Variants in ERICH3 observed in about 807,000 individuals in gnomAD.
ERICH3 encodes the protein glutamate rich 3.
A neutral mutation model predicts 131.1 loss-of-function variants in ERICH3; 126 were observed. That is an observed-to-expected ratio of 0.96 (90% CI 0.83 to 1.11). ERICH3 has a LOEUF of 1.11. ERICH3 is among the 50% of genes most tolerant of loss of function. The pLI is 0.00. For synonymous variants in ERICH3, 695 were observed against 644.6 expected (o/e 1.08, Z -1.18); for missense variants, 2,050 against 1,810.7 (o/e 1.13, Z -2.40).
intron 12 of ERICH3, among the ~76,000 whole-genome samples, chr1:74,581,138 T>C (rs1647170557): frequency 6.6e-6 from 1 of 152,208 alleles, no homozygotes; most frequent in African/African-American, 2.4e-5. Context: ...ACTATTATTG[T>C]TAGGATTTGC....
At chr1:74,601,135 A>G (rs941526108) in intron 10 of ERICH3, among the ~76,000 whole-genome samples, 1 of 151,936 alleles carries the variant, frequency 6.6e-6, no homozygotes, top group African/African-American at 2.4e-5. Flanking sequence ...TATGAATATC[A>G]GTAAACCAAA....
At chr1:74,631,437 G>A (rs1401490943) in intron 7 of ERICH3, among the ~76,000 whole-genome samples, 3 of 152,038 alleles carry the variant, frequency 2.0e-5, no homozygotes, top group Non-Finnish European at 2.9e-5. Context: ...TGCATTTAAG[G>A]AAATAAATGA....
chr1:74,630,896 G>A (rs1231106545), intron 7 of ERICH3, among the ~76,000 whole-genome samples: 1 of 151,970 alleles, frequency 6.6e-6, no homozygotes, highest in Non-Finnish European at 1.5e-5. Flanking sequence ...TAAAAGTAGA[G>A]TTGAAAAAAG....
intron 1 of ERICH3, among the ~76,000 whole-genome samples, chr1:74,667,767 C>A (rs1442529646): frequency 2.0e-5 from 3 of 152,078 alleles, no homozygotes; most frequent in Admixed American, 2.0e-4. Context: ...GAGAGAAACC[C>A]AAAGACTTTC....
chr1:74,663,966 A>T (rs1021003230), intron 1 of ERICH3, among the ~76,000 whole-genome samples: 4 of 152,126 alleles, frequency 2.6e-5, no homozygotes, highest in African/African-American at 7.2e-5. Flanking sequence ...TACAATGAGA[A>T]CCCAAAGATG....
chr1:74,639,663 T>C (rs932901645), intron 5 of ERICH3, among the ~76,000 whole-genome samples: 3 of 152,182 alleles, frequency 2.0e-5, no homozygotes, highest in African/African-American at 7.2e-5. Context: ...TCCAAGCATA[T>C]GCAGAATTAG....
At chr1:74,661,496 T>A (rs79554760) in intron 1 of ERICH3, among the ~76,000 whole-genome samples, 2,361 of 152,284 alleles carry the variant, frequency 0.016, 66 homozygotes, top group African/African-American at 0.053. Context: ...GATTCATGAA[T>A]CTAAGAAGAG....
At chr1:74,669,464 T>C (rs1646721804) in intron 1 of ERICH3, among the ~76,000 whole-genome samples, 1 of 152,144 alleles carries the variant, frequency 6.6e-6, no homozygotes, top group African/African-American at 2.4e-5. Context: ...TCCTCATGCA[T>C]GACTGAGGGA....
At chr1:74,595,878 T>A (rs1647822206) in intron 11 of ERICH3, among the ~76,000 whole-genome samples, 1 of 152,132 alleles carries the variant, frequency 6.6e-6, no homozygotes, top group South Asian at 2.1e-4. Context: ...ACGCAAAAAA[T>A]CACACATATT....
At position 74,571,821 on chromosome 1, in the gene ERICH3, C is replaced by A; in HGVS notation, c.3889G>T (p.Glu1297Ter). Reference sequence around the variant, plus strand: ...TCCAGAGTGCACTCTTTGTCCTCTTCCTCCTCTGGGTCCTCATCCACCGCT... The same window carrying A: ...TCCAGAGTGCACTCTTTGTCCTCTTACTCCTCTGGGTCCTCATCCACCGCT... ...EEAVDEDPEE[E>*]EDKECTLETE... is the part of the protein sequence containing the mutation. The change falls in exon 14 of 15, where the codon GAA becomes TAA. Residue 1297 changes from glutamate to a stop codon, truncating the protein, a stop_gained. Transcript: ENST00000326665. LOFTEE classifies it high-confidence loss of function. The A allele has an allele frequency of 6.8e-6, 11 of 1,613,256 alleles. No individual in the cohort carries two copies. Among genetic ancestry groups the A allele is most frequent in the Non-Finnish European group, 9.3e-6 (11 of 1,180,034 alleles).
At chr1:74,630,269 T>C (rs894304789) in intron 7 of ERICH3, among the ~76,000 whole-genome samples, 5 of 152,020 alleles carry the variant, frequency 3.3e-5, no homozygotes, top group African/African-American at 1.2e-4. Context: ...GAGTGAAAAA[T>C]TAAGTTAGTG....
intron 10 of ERICH3, 59 bp from the exon 11 acceptor site, chr1:74,599,990 T>G: frequency 8.1e-7 from 1 of 1,233,416 alleles, no homozygotes; most frequent in Non-Finnish European, 1.1e-6. Context: ...ACTTAACCTA[T>G]TTCTCTCTAA....
intron 7 of ERICH3, 22 bp downstream of exon 7, chr1:74,631,691 G>T (rs1436029417): frequency 1.3e-6 from 2 of 1,576,054 alleles, no homozygotes; most frequent in Non-Finnish European, 1.7e-6. Context: ...ATTAATAAAA[G>T]AAAAATTTGT....
intron 1 of ERICH3, among the ~76,000 whole-genome samples, chr1:74,672,438 T>A (rs1646750548): frequency 6.6e-6 from 1 of 152,232 alleles, no homozygotes. Flanking sequence ...TTATATGGCT[T>A]TAGTTTTTTC....
chr1:74,649,448 A>C (rs1473637330), intron 1 of ERICH3, 133 bp from the exon 2 acceptor site: 1 of 592,244 alleles, frequency 1.7e-6, no homozygotes, highest in Admixed American at 2.9e-5. Flanking sequence ...ATATGTGTTT[A>C]ATAAACATGT....
rs1258373949 is a variant in ERICH3 at position 74,573,060 on chromosome 1, T to C, written c.2650A>G (p.Thr884Ala). Residue 884 changes from threonine (T) to alanine (A), a missense_variant, in exon 14 of 15, where the codon ACA (threonine) becomes GCA (alanine). Physicochemically the swap from Thr to Ala is moderately conservative, Grantham distance 58. Transcript: ENST00000326665. ...GCTGCTTTGTCTGTCTCAAGCACTGTGAGCATCAAGGCTTGCTTTTCAGGA... is the reference window on the plus strand; with the variant it reads ...GCTGCTTTGTCTGTCTCAAGCACTGCGAGCATCAAGGCTTGCTTTTCAGGA... ...EAPEKQALML[T>A]VLETDKAASE... is the part of the protein sequence containing the mutation. The C allele has an allele frequency of 1.2e-6, 2 of 1,614,204 alleles. No homozygotes were observed. The highest frequency in any genetic ancestry group is 1.7e-5 in the Admixed American group (1 of 60,028).
intron 5 of ERICH3, among the ~76,000 whole-genome samples, chr1:74,640,240 T>C (rs1646426676): frequency 6.6e-6 from 1 of 152,158 alleles, no homozygotes; most frequent in Non-Finnish European, 1.5e-5. Context: ...TTCTTTTGTT[T>C]CACTCAGGTT....
chr1:74,601,131 T>C (rs888621328), intron 10 of ERICH3, among the ~76,000 whole-genome samples: 1 of 151,864 alleles, frequency 6.6e-6, no homozygotes, highest in Non-Finnish European at 1.5e-5. Flanking sequence ...AAAATATGAA[T>C]ATCAGTAAAC....
At chr1:74,630,842 G>C (rs771243033) in intron 7 of ERICH3, among the ~76,000 whole-genome samples, 6 of 151,954 alleles carry the variant, frequency 3.9e-5, no homozygotes, top group Non-Finnish European at 8.8e-5. Context: ...GGGGATGAGA[G>C]AGAAAACATC....
Sources: gnomAD v4.1 joint callset for allele counts (sites outside exome capture counted in the v4.1 genomes callset) on GRCh38, gnomAD v4.1.1 for gene constraint, MANE v1.5 for transcripts, NCBI Gene and HGNC (gene_info 2026-07-23, HGNC 2026-07-21) for gene names.